ARID3A: variants seen among roughly 807,000 people sequenced by gnomAD.
ARID3A encodes AT-rich interaction domain 3A.
A neutral mutation model predicts 52.7 loss-of-function variants in ARID3A; 11 were observed. The ratio of observed to expected loss-of-function variants is 0.21; its 90% CI spans 0.13 to 0.35. The LOEUF (loss-of-function observed/expected upper bound fraction) is 0.35, where lower values mean the gene tolerates loss of function less well. Among genes scored for constraint, ARID3A ranks in the 10% least tolerant of loss-of-function variants. ARID3A has a pLI of 1.00. For synonymous variants in ARID3A, 404 were observed against 359.4 expected (o/e 1.12, Z -1.40); for missense variants, 721 against 838.5 (o/e 0.86, Z 1.73).
chr19:949,865 G>A (rs548062297), intron 3 of ARID3A, among the ~76,000 whole-genome samples: 3 of 151,264 alleles, frequency 2.0e-5, no homozygotes, highest in East Asian at 3.9e-4. Context: ...TAGTAGAGAC[G>A]GGGTTTCTCC....
chr19:938,662 G>C lies in ARID3A; in HGVS notation c.693+5920G>C, dbSNP rs2037484313. Among the ~76,000 whole-genome samples the C allele has an allele frequency of 1.3e-5, 2 of 152,154 alleles. No individual in the cohort carries two copies. Among genetic ancestry groups the C allele is most frequent in the Admixed American group, 6.5e-5 (1 of 15,270 alleles). On this transcript the variant is annotated intron_variant, in intron 3 of 8. Transcript: ENST00000263620. This position sits in a 1 kb window ranked among gnomAD's most constrained non-coding sequence, Gnocchi z 4.0. ...ACCTCAGTGCTGTCCTCATATCCAG[G>C]CCTCCGGGCCTGACAGCTGGGCGTG... is the stretch of plus-strand genomic sequence containing the variant.
At chr19:927,936 G>C (rs867014170) in intron 1 of ARID3A, among the ~76,000 whole-genome samples, 1 of 150,766 alleles carries the variant, frequency 6.6e-6, no homozygotes, top group East Asian at 2.0e-4. Context: ...AAAGACTCAG[G>C]GGTCTGGGTA....
rs376716292 is a variant in ARID3A at position 973,823 on chromosome 19, C to T, written c.*1758C>T. The T allele has an allele frequency of 3.0e-5, 7 of 230,160 alleles. No individual in the cohort carries two copies. The South Asian group carries it at 5.5e-4, about 18-fold the overall frequency. The allele number at this position is 230,160 out of a possible 1,614,324, so 14.3% of individuals were successfully genotyped here. On this transcript the variant is annotated 3_prime_UTR_variant, in exon 9 of 9. Transcript: ENST00000263620. Reference sequence around the variant, plus strand: ...CCTGGCTTGGAGAAAGTGGGGTCACCGCAGCTGAGCTGGGGGGTTATTTTG... The same window carrying T: ...CCTGGCTTGGAGAAAGTGGGGTCACTGCAGCTGAGCTGGGGGGTTATTTTG...
chr19:932,220 T>C (rs2037346208), intron 2 of ARID3A, among the ~76,000 whole-genome samples, 198 bp from the exon 3 acceptor site: 1 of 152,168 alleles, frequency 6.6e-6, no homozygotes, highest in African/African-American at 2.4e-5. Flanking sequence ...TGTGCTGTTC[T>C]GGGCTAATTG....
At position 929,761 on chromosome 19, in the gene ARID3A, C is replaced by G; in HGVS notation, c.233C>G (p.Pro78Arg). The change falls in exon 2 of 9, where the codon CCC becomes CGC. Residue 78 changes from proline (P) to arginine (R), a missense_variant. This residue lies in a region of ARID3A where 349 missense variants were observed against 297.3 expected (regional missense o/e 1.17). Transcript: ENST00000263620. The surrounding 1 kb of genome is among the most constrained non-coding windows in gnomAD (Gnocchi z 6.2). Reference sequence around the variant, plus strand: ...GCGGGCCTGGGACACCCAGCCAGCCCCGGCGGCTCTGAGGATGGGCCCCCA... The same window carrying G: ...GCGGGCCTGGGACACCCAGCCAGCCGCGGCGGCTCTGAGGATGGGCCCCCA... ...AAAGLGHPAS[P>R]GGSEDGPPGS... 6.4e-7 allele frequency: 1 copy of G among 1,553,028 alleles called. No individual in the cohort carries two copies. The highest frequency in any genetic ancestry group is 8.7e-7 in the Non-Finnish European group (1 of 1,155,212).
At chr19:958,289 T>C (rs893250373) in intron 3 of ARID3A, 2 of 149,098 alleles carry the variant, frequency 1.3e-5, no homozygotes, top group African/African-American at 2.5e-5. Flanking sequence ...TAGCCGGGCG[T>C]GGTGGCGGGC....
rs1305397768 is a variant in ARID3A at position 973,485 on chromosome 19, G to C, written c.*1420G>C. The C allele has an allele frequency of 4.6e-6, 1 of 215,152 alleles. No individual in the cohort carries two copies. Among genetic ancestry groups the C allele is most frequent in the Non-Finnish European group, 9.4e-6 (1 of 106,634 alleles). The allele number at this position is 215,152 out of a possible 1,614,324, so 13.3% of individuals were successfully genotyped here. A position where few individuals can be genotyped will look rare whatever the true frequency, so the allele number is the denominator to read the frequency against. On this transcript the variant is annotated 3_prime_UTR_variant, in exon 9 of 9. Transcript: ENST00000263620. Reference sequence around the variant, plus strand: ...CTGGGGGGCGGGGGTGGTTCTTGTCGAAGCCCCCAGGCTCCTGTCTCAGGG... The same window carrying C: ...CTGGGGGGCGGGGGTGGTTCTTGTCCAAGCCCCCAGGCTCCTGTCTCAGGG...
intron 2 of ARID3A, 116 bp from the exon 3 acceptor site, chr19:932,302 G>A: frequency 1.3e-6 from 2 of 1,537,504 alleles, no homozygotes; most frequent in Non-Finnish European, 1.7e-6. Flanking sequence ...GCTGGCGGCG[G>A]CCGGCTCTTC....
At chr19:932,976 C>T (rs1383328290) in intron 3 of ARID3A, among the ~76,000 whole-genome samples, 1 of 152,142 alleles carries the variant, frequency 6.6e-6, no homozygotes, top group Non-Finnish European at 1.5e-5. Flanking sequence ...TAGGAGAAAC[C>T]TGGGGGGCTC....
chr19:969,089 A>G (rs1208512807), intron 8 of ARID3A, among the ~76,000 whole-genome samples: 1 of 151,774 alleles, frequency 6.6e-6, no homozygotes, highest in Non-Finnish European at 1.5e-5. Context: ...TCTCTTGAAA[A>G]AAAATTTAAT....
At position 964,803 on chromosome 19, in the gene ARID3A, T is replaced by C. The variant is rs1473459661; in HGVS notation, c.951-30T>C. ...AAGAGAGCCGTAGGGGTGACCCGGGTGCCATCCTCTTCCCTCGTCCCACCC... is the reference window on the plus strand; with the variant it reads ...AAGAGAGCCGTAGGGGTGACCCGGGCGCCATCCTCTTCCCTCGTCCCACCC... On this transcript the variant is annotated intron_variant, in intron 5 of 8. Coordinates refer to ENST00000263620, the MANE Select transcript of ARID3A (RefSeq NM_005224.3). The surrounding 1 kb of genome is among the most constrained non-coding windows in gnomAD (Gnocchi z 5.7). 1 of 1,602,938 alleles carries C rather than the reference T, an allele frequency of 6.2e-7. No homozygotes were observed. Among genetic ancestry groups the C allele is most frequent in the Non-Finnish European group, 8.5e-7 (1 of 1,172,032 alleles).
chr19:951,961 C>T (rs1349023961), intron 3 of ARID3A, among the ~76,000 whole-genome samples: 1 of 151,610 alleles, frequency 6.6e-6, no homozygotes. Context: ...CATGGTGAAA[C>T]CCCGTCTCTG....
Position 947,981 on chromosome 19 carries a change from G to A in ARID3A, c.694-12111G>A, listed in dbSNP as rs117964006. On this transcript the variant is annotated intron_variant, in intron 3 of 8. Coordinates refer to ENST00000263620, the MANE Select transcript of ARID3A (RefSeq NM_005224.3). The surrounding 1 kb of genome is among the most constrained non-coding windows in gnomAD (Gnocchi z 6.3). The stretch of plus-strand genomic sequence containing the variant: ...GAGCCCCCCGGCTGGTCAGGTGCAC[G>A]AGGAGCAACCCATGGCCAGGCAGAG... Among the ~76,000 whole-genome samples, 1,421 of 152,298 alleles carry A rather than the reference G, an allele frequency of 9.3e-3. 5 individuals are homozygous for A. Among genetic ancestry groups the A allele is most frequent in the Non-Finnish European group, 0.014 (985 of 68,018 alleles).
rs563560634 is a variant in ARID3A at position 944,554 on chromosome 19, C to T, written c.693+11812C>T. ...GTCTTCCGGGCAAGTGAGCGTCCCC[C>T]ACCCAGGACCCCCGACCCCGGCCCT... On this transcript the variant is annotated intron_variant, in intron 3 of 8. Transcript: ENST00000263620. The surrounding 1 kb of genome is among the most constrained non-coding windows in gnomAD (Gnocchi z 5.9). Among the ~76,000 whole-genome samples the T allele has an allele frequency of 6.6e-6, 1 of 152,334 alleles. No individual in the cohort carries two copies. Among genetic ancestry groups the T allele is most frequent in the South Asian group, 2.1e-4 (1 of 4,834 alleles).
Position 950,111 on chromosome 19 carries a change from C to CCCAGAGGGAACGGATGGATGAGGCCGTG in ARID3A, c.694-9979_694-9978insAGAGGGAACGGATGGATGAGGCCGTGCC. ...AGAGTGAACGGATGGATGAGGCCGT[C>CCCAGAGGGAACGGATGGATGAGGCCGTG]CCCAGAGTGAACGGATGGATGAGGC... is the stretch of plus-strand genomic sequence containing the variant. On this transcript the variant is annotated intron_variant, in intron 3 of 8. Coordinates refer to ENST00000263620, the MANE Select transcript of ARID3A (RefSeq NM_005224.3). 1.4e-4 allele frequency among the ~76,000 whole-genome samples: 3 copies of CCCAGAGGGAACGGATGGATGAGGCCGTG among 21,514 alleles called. No individual in the cohort carries two copies. The South Asian group carries it at 5.2e-3, about 37-fold the overall frequency. The allele number at this position is 21,514 out of a possible 152,430, so 14.1% of individuals were successfully genotyped here.
chr19:932,426 A>G lies in ARID3A; in HGVS notation c.377A>G (p.Lys126Arg). 2 of 1,593,176 alleles carry G rather than the reference A, an allele frequency of 1.3e-6. No homozygotes were observed. The highest frequency in any genetic ancestry group is 8.5e-7 in the Non-Finnish European group (1 of 1,174,642). Residue 126 changes from lysine to arginine, a missense_variant, in exon 3 of 9, where the codon AAA becomes AGA. Physicochemically the swap from Lys to Arg is conservative, Grantham distance 26 (BLOSUM62 2). Coordinates refer to ENST00000263620, the MANE Select transcript of ARID3A (RefSeq NM_005224.3). ...DMASDEDMKP[K>R]WEEEEMEEDL... ...CCCTCTGCTCACCCCAGGAAGCCCAAATGGGAGGAGGAGGAGATGGAGGAA... is the reference window on the plus strand; with the variant it reads ...CCCTCTGCTCACCCCAGGAAGCCCAGATGGGAGGAGGAGGAGATGGAGGAA...
At chr19:946,016 G>A (rs898294521) in intron 3 of ARID3A, among the ~76,000 whole-genome samples, 2 of 152,192 alleles carry the variant, frequency 1.3e-5, no homozygotes, top group South Asian at 2.1e-4. Context: ...TGGACCCTGC[G>A]GTTACTCCGA....
At chr19:937,418 G>C (rs1414992627) in intron 3 of ARID3A, among the ~76,000 whole-genome samples, 1 of 152,192 alleles carries the variant, frequency 6.6e-6, no homozygotes, top group Non-Finnish European at 1.5e-5. Flanking sequence ...TACTCCGCTG[G>C]ATGGATGTGC....
chr19:970,270 G>A (rs1480453979), intron 8 of ARID3A, among the ~76,000 whole-genome samples: 6 of 151,706 alleles, frequency 4.0e-5, no homozygotes, highest in African/African-American at 7.3e-5. Flanking sequence ...CCGAGATCGC[G>A]CCACCGCACT....
Sources: allele counts gnomAD v4.1 joint callset (sites outside exome capture counted in the v4.1 genomes callset), GRCh38; gene constraint gnomAD v4.1.1; regional missense constraint gnomAD v4.1.1; non-coding constraint Gnocchi (gnomAD v3.1); transcripts MANE v1.5; gene names NCBI Gene and HGNC (gene_info 2026-07-23, HGNC 2026-07-21).